Variants in NRXN1 observed in about 807,000 individuals in gnomAD.
NRXN1 encodes neurexin-1.
Under a neutral mutation model 150.9 loss-of-function variants are expected in NRXN1, and 39 were observed. The ratio of observed to expected loss-of-function variants is 0.26; its 90% CI spans 0.20 to 0.34. NRXN1 has a LOEUF of 0.34. Among genes scored for constraint, NRXN1 ranks in the 10% least tolerant of loss-of-function variants. The probability of loss-of-function intolerance (pLI) is 1.00; values close to 1 mark genes in which losing one functional copy is unlikely to be tolerated. For synonymous variants in NRXN1, 924 were observed against 757.0 expected (o/e 1.22, Z -3.62); for missense variants, 1,815 against 1,949.9 (o/e 0.93, Z 1.30).
chr2:50,114,442 T>C (rs899205652), intron 18 of NRXN1, among the ~76,000 whole-genome samples: 5 of 152,096 alleles, frequency 3.3e-5, no homozygotes, highest in Non-Finnish European at 7.4e-5. Context: ...TTGGAAGACA[T>C]TGTAGTAGTT....
At chr2:49,964,080 G>A (rs1365425234) in intron 21 of NRXN1, among the ~76,000 whole-genome samples, 5 of 152,102 alleles carry the variant, frequency 3.3e-5, no homozygotes, top group Admixed American at 3.3e-4. Context: ...TTCAGGGAAT[G>A]CTTTAAAGAT....
chr2:50,172,885 T>G (rs2060116141), intron 18 of NRXN1, among the ~76,000 whole-genome samples: 1 of 152,142 alleles, frequency 6.6e-6, no homozygotes. Context: ...GAGAATTGCT[T>G]GAACTTGGGA....
At chr2:50,441,986 A>C (rs1356237643) in intron 17 of NRXN1, among the ~76,000 whole-genome samples, 1 of 152,162 alleles carries the variant, frequency 6.6e-6, no homozygotes, top group East Asian at 1.9e-4. Flanking sequence ...ATCAGCATCC[A>C]CTGGTAGTTC....
chr2:50,936,786 A>C (rs1688610453), intron 2 of NRXN1, among the ~76,000 whole-genome samples: 1 of 152,148 alleles, frequency 6.6e-6, no homozygotes, highest in South Asian at 2.1e-4. Flanking sequence ...ATAACTTTAA[A>C]TAGGCCTAAT....
intron 18 of NRXN1, among the ~76,000 whole-genome samples, chr2:50,188,313 T>C (rs2061220103): frequency 6.6e-6 from 1 of 152,132 alleles, no homozygotes; most frequent in Non-Finnish European, 1.5e-5. Flanking sequence ...GAAAACTGGC[T>C]AGCCATATGC....
intron 17 of NRXN1, among the ~76,000 whole-genome samples, chr2:50,391,270 T>C (rs1371732898): frequency 6.6e-6 from 1 of 151,260 alleles, no homozygotes; most frequent in Non-Finnish European, 1.5e-5. Context: ...TGAGATAAAA[T>C]GCTGGAATAA....
intron 17 of NRXN1, among the ~76,000 whole-genome samples, chr2:50,370,084 C>T (rs557201641): frequency 6.6e-6 from 1 of 152,038 alleles, no homozygotes; most frequent in Non-Finnish European, 1.5e-5. Context: ...CTCCTATACT[C>T]TCTTCAGTTG....
At chr2:50,946,635 C>T (rs1690439032) in intron 2 of NRXN1, among the ~76,000 whole-genome samples, 1 of 152,078 alleles carries the variant, frequency 6.6e-6, no homozygotes, top group African/African-American at 2.4e-5. Flanking sequence ...TATAATGGAA[C>T]TTTTACTTAT....
chr2:50,860,808 A>C (rs1676018399), intron 5 of NRXN1, among the ~76,000 whole-genome samples: 1 of 152,122 alleles, frequency 6.6e-6, no homozygotes, highest in African/African-American at 2.4e-5. Context: ...CATGAAGTAG[A>C]ATCTAAGACT....
chr2:50,693,586 T>G (rs1258069741), intron 5 of NRXN1, among the ~76,000 whole-genome samples: 3 of 152,080 alleles, frequency 2.0e-5, no homozygotes, highest in Non-Finnish European at 2.9e-5. Context: ...ATAAATACGT[T>G]GAATCAATGA....
chr2:50,599,945 G>A (rs1675968815), intron 8 of NRXN1, among the ~76,000 whole-genome samples: 1 of 152,040 alleles, frequency 6.6e-6, no homozygotes, highest in African/African-American at 2.4e-5. Flanking sequence ...TCAGAAAATG[G>A]GGGATACAAA....
At chr2:50,879,038 A>G (rs1453106119) in intron 5 of NRXN1, among the ~76,000 whole-genome samples, 1 of 151,946 alleles carries the variant, frequency 6.6e-6, no homozygotes, top group Admixed American at 6.6e-5. Flanking sequence ...TAGATGTTGT[A>G]AAGGTACCCT....
chr2:50,435,270 G>C (rs2085328422), intron 17 of NRXN1, among the ~76,000 whole-genome samples: 1 of 152,036 alleles, frequency 6.6e-6, no homozygotes, highest in Admixed American at 6.6e-5. Context: ...GCAAATCGGG[G>C]ATAATTCCTG....
chr2:50,347,516 C>G lies in NRXN1; in HGVS notation c.3365-110546G>C. The G allele has an allele frequency of 1.9e-6, 2 of 1,045,254 alleles. No homozygotes were observed. Among genetic ancestry groups the G allele is most frequent in the Non-Finnish European group, 2.3e-6 (2 of 865,502 alleles). 64.7% of individuals were successfully genotyped at this position (1,045,254 alleles called of 1,614,324 possible). ...CTTCCCTCCATTCAGCCCCGGCCGG[C>G]TCGCCCGCTAGCGCCAGCCTCCCCC... On this transcript the variant is annotated intron_variant, in intron 17 of 22. Transcript: ENST00000401669. This position sits in a 1 kb window ranked among gnomAD's most constrained non-coding sequence, Gnocchi z 4.9.
chr2:50,103,754 G>A (rs1701284141), intron 18 of NRXN1, among the ~76,000 whole-genome samples: 1 of 151,928 alleles, frequency 6.6e-6, no homozygotes, highest in South Asian at 2.1e-4. Context: ...CCTTCCCATT[G>A]TTTGCCTGGA....
chr2:49,927,242 C>G (rs1046788515), intron 22 of NRXN1, among the ~76,000 whole-genome samples: 2 of 152,162 alleles, frequency 1.3e-5, no homozygotes, highest in African/African-American at 4.8e-5. Context: ...TTCATATTGG[C>G]ATGATTACTT....
intron 15 of NRXN1, among the ~76,000 whole-genome samples, chr2:50,478,953 C>A (rs2090221153): frequency 6.6e-6 from 1 of 152,106 alleles, no homozygotes. Flanking sequence ...TTCTTGTACA[C>A]ACCTTTTAAG....
At chr2:50,825,412 A>G (rs1466514349) in intron 5 of NRXN1, among the ~76,000 whole-genome samples, 1 of 152,156 alleles carries the variant, frequency 6.6e-6, no homozygotes, top group East Asian at 1.9e-4. Context: ...CCCCACCACC[A>G]ACATCCAAGT....
At chr2:50,450,439 A>G (rs1573018879) in intron 17 of NRXN1, among the ~76,000 whole-genome samples, 1 of 36,766 alleles carries the variant, frequency 2.7e-5, no homozygotes, top group South Asian at 8.8e-4. Context: ...AGCAAAACAG[A>G]AAAAAAAAAA....
Sources: gnomAD v4.1 joint callset for allele counts (sites outside exome capture counted in the v4.1 genomes callset) on GRCh38, gnomAD v4.1.1 for gene constraint, Gnocchi (gnomAD v3.1) non-coding constraint, MANE v1.5 for transcripts, NCBI Gene and HGNC (gene_info 2026-07-23, HGNC 2026-07-21) for gene names.